AP4B1: variants seen among roughly 807,000 people sequenced by gnomAD.
The protein encoded by AP4B1 is AP-4 complex subunit beta-1.
AP4B1 carries 49 observed loss-of-function variants against 76.5 expected under a neutral mutation model. The observed-to-expected ratio is 0.64, with a 90% CI of 0.51 to 0.81. The LOEUF is 0.81. Ranked by LOEUF, AP4B1 falls within the 40% of genes least tolerant of loss-of-function variation. AP4B1 has a pLI of 0.00. For missense variants in AP4B1, 911 were observed against 904.9 expected (o/e 1.01, Z -0.09); for synonymous variants, 330 against 333.3 (o/e 0.99, Z 0.11).
At position 113,895,218 on chromosome 1, in the gene AP4B1, A is replaced by G. The variant is rs1204831490; in HGVS notation, c.2067T>C (p.Thr689=). Reference sequence around the variant, plus strand: ...GCAGTTCTGTTAAGAACAGACAGCCAGTATCATCCTGAGCACTGAGGTATG... The same window carrying G: ...GCAGTTCTGTTAAGAACAGACAGCCGGTATCATCCTGAGCACTGAGGTATG... ...WKAYLSAQDD[T]GCLFLTELLL... Residue 689 remains threonine (T), a synonymous_variant, in exon 10 of 10, where the codon ACT becomes ACC. Coordinates refer to ENST00000369569, the MANE Select transcript of AP4B1 (RefSeq NM_001253852.3). The G allele has an allele frequency of 1.2e-6, 2 of 1,614,208 alleles. No homozygotes were observed. Among genetic ancestry groups the G allele is most frequent in the East Asian group, 2.2e-5 (1 of 44,888 alleles).
Position 113,895,074 on chromosome 1 carries a change from T to C in AP4B1, c.2211A>G (p.Ile737Met), listed in dbSNP as rs372937961. The change falls in exon 10 of 10, where the codon ATA becomes ATG. Residue 737 changes from isoleucine (I) to methionine (M), a missense_variant. Ile to Met is a conservative substitution (Grantham distance 10, BLOSUM62 1). Coordinates refer to ENST00000369569, the MANE Select transcript of AP4B1 (RefSeq NM_001253852.3). ...AAGCAACAAGACTCTGTTATGATTT[T>C]ATTTCTTCAATTGTTCCAATCACAG... ...LETVIGTIEEIKS is the reference protein window; with the variant it reads ...LETVIGTIEEMKS The C allele has an allele frequency of 4.0e-5, 65 of 1,613,594 alleles. No homozygotes were observed. The highest frequency in any genetic ancestry group is 5.5e-5 in the Non-Finnish European group (65 of 1,179,718).
intron 4 of AP4B1, chr1:113,901,013 A>G: frequency 1.8e-6 from 1 of 556,740 alleles, no homozygotes; most frequent in South Asian, 2.0e-5. Context: ...AGGCTGAGGC[A>G]GGAGAATTGC....
chr1:113,895,649 A>G, intron 9 of AP4B1, 108 bp downstream of exon 9: 4 of 1,555,358 alleles, frequency 2.6e-6, no homozygotes, highest in Non-Finnish European at 3.5e-6. Context: ...AAATGCTTCA[A>G]ATTCAGGCAA....
intron 7 of AP4B1, chr1:113,896,709 G>C (rs1247753994): frequency 1.8e-6 from 1 of 563,308 alleles, no homozygotes; most frequent in Non-Finnish European, 3.1e-6. Flanking sequence ...CAATAAATAA[G>C]GTTTCCTCAG....
chr1:113,898,793 C>T lies in AP4B1; in HGVS notation c.1123G>A (p.Ala375Thr). The change falls in exon 6 of 10, where the codon GCC becomes ACC. Residue 375 changes from alanine (A) to threonine (T), a missense_variant. By Grantham distance (58) the Ala-to-Thr change is moderately conservative. Transcript: ENST00000369569. ...ACACATTGATCTGTGTAAGTCCTGGCAATGCCACCTACAAAAGAAGGGAAA... is the reference window on the plus strand; with the variant it reads ...ACACATTGATCTGTGTAAGTCCTGGTAATGCCACCTACAAAAGAAGGGAAA... ...QAAIFAIGGIARTYTDQCVQI... is the reference protein window; with the variant it reads ...QAAIFAIGGITRTYTDQCVQI... 1 of 1,607,972 alleles carries T rather than the reference C, an allele frequency of 6.2e-7. No individual in the cohort carries two copies.
intron 5 of AP4B1, 32 bp downstream of exon 5, chr1:113,899,872 G>A (rs1275435830): frequency 6.2e-7 from 1 of 1,614,086 alleles, no homozygotes; most frequent in South Asian, 1.1e-5. Context: ...GCTGGTCTAG[G>A]TTCTCAAGAA....
At position 113,901,528 on chromosome 1, in the gene AP4B1, A is replaced by G. The variant is rs924173575; in HGVS notation, c.470-145T>C. 16 of 1,197,388 alleles carry G rather than the reference A, an allele frequency of 1.3e-5. No homozygotes were observed. In the African/African-American group the frequency reaches 2.5e-4, roughly 19 times the overall value. The allele number at this position is 1,197,388 out of a possible 1,614,324, so 74.2% of individuals were successfully genotyped here. A position where few individuals can be genotyped will look rare whatever the true frequency, so the allele number is the denominator to read the frequency against. On this transcript the variant is annotated intron_variant, in intron 3 of 9. Transcript: ENST00000369569. ...GCCACACTAAAGTGCAAGGCAAAAAAAAAACTGCCATGTCCAGACTGTTCT... is the reference window on the plus strand; with the variant it reads ...GCCACACTAAAGTGCAAGGCAAAAAGAAAACTGCCATGTCCAGACTGTTCT...
At position 113,895,747 on chromosome 1, in the gene AP4B1, C is replaced by T. The variant is rs765050933; in HGVS notation, c.1792+10G>A. ...ATCATGACAAGATTTAAGGTAAGGA[C>T]TGTTTTTACCTGATGCGGCAAAGGA... On this transcript the variant is annotated intron_variant, in intron 9 of 9. Coordinates refer to ENST00000369569, the MANE Select transcript of AP4B1 (RefSeq NM_001253852.3). The T allele has an allele frequency of 1.2e-6, 2 of 1,614,026 alleles. No homozygotes were observed. Among genetic ancestry groups the T allele is most frequent in the South Asian group, 2.2e-5 (2 of 91,092 alleles).
intron 7 of AP4B1, chr1:113,897,284 T>A (rs1346190855): frequency 6.1e-6 from 1 of 162,616 alleles, no homozygotes; most frequent in African/African-American, 2.4e-5. Context: ...ATGGTCTAAA[T>A]CTCTGACTCA....
At position 113,900,167 on chromosome 1, in the gene AP4B1, G is replaced by A. The variant is rs1467770451; in HGVS notation, c.851C>T (p.Ala284Val). ...LVRVKGPLLAACSSESRELCF... is the reference protein window; with the variant it reads ...LVRVKGPLLAVCSSESRELCF... Reference sequence around the variant, plus strand: ...GAGCTCACGGCTCTCTGAAGAACAGGCAGCTAGCAAAGGTCCCTTGACCCG... The same window carrying A: ...GAGCTCACGGCTCTCTGAAGAACAGACAGCTAGCAAAGGTCCCTTGACCCG... The change falls in exon 5 of 10, where the codon GCC becomes GTC. Residue 284 changes from alanine to valine, a missense_variant. Ala to Val is a moderately conservative substitution (Grantham distance 64). Transcript: ENST00000369569. 1 of 1,614,196 alleles carries A rather than the reference G, an allele frequency of 6.2e-7. No individual in the cohort carries two copies. The highest frequency in any genetic ancestry group is 8.5e-7 in the Non-Finnish European group (1 of 1,180,032).
rs752781534 is a variant in AP4B1, at chr1:113,900,371, G to T, written c.647C>A (p.Ala216Asp). The change falls in exon 5 of 10, where the codon GCT becomes GAT. Residue 216 changes from alanine to aspartate, a missense_variant. Ala to Asp is a moderately radical substitution (Grantham distance 126, BLOSUM62 -2). Coordinates refer to ENST00000369569, the MANE Select transcript of AP4B1 (RefSeq NM_001253852.3). Reference protein sequence around the residue: ...RMSKLDQWGQAEVLNFLLRYQ... With the variant: ...RMSKLDQWGQDEVLNFLLRYQ... The stretch of plus-strand genomic sequence containing the variant: ...GCGTAGCAGAAAGTTCAATACTTCA[G>T]CCTGGCCCCATTGGTCCAGTTTTGA... 9.5e-5 allele frequency: 154 copies of T among 1,612,812 alleles called. 1 individual carries two copies. The highest frequency in any genetic ancestry group is 6.3e-4 in the South Asian group (57 of 90,802).
chr1:113,900,286 G>A lies in AP4B1; in HGVS notation c.732C>T (p.Leu244=), dbSNP rs777614232. The change falls in exon 5 of 10, where the codon CTC becomes CTT. Residue 244 remains leucine (L), a synonymous_variant. Transcript: ENST00000369569. ...FDILNLLDSF[L]KSSSPGVVMG... is the part of the protein sequence containing the mutation. Reference sequence around the variant, plus strand: ...TCACCACACCTGGGCTACTGCTCTTGAGGAAACTATCCAACAGATTGAGAA... The same window carrying A: ...TCACCACACCTGGGCTACTGCTCTTAAGGAAACTATCCAACAGATTGAGAA... 2.5e-6 allele frequency: 4 copies of A among 1,604,148 alleles called. No individual in the cohort carries two copies. The South Asian group carries it at 4.4e-5, about 18-fold the overall frequency.
rs770206491 is a variant in AP4B1 at position 113,899,994 on chromosome 1, CGTTCACCA to C, written c.1016_1023del (p.Leu339ArgfsTer2). 6.2e-7 allele frequency: 1 copy of C among 1,614,184 alleles called. No individual in the cohort carries two copies. The highest frequency in any genetic ancestry group is 8.5e-7 in the Non-Finnish European group (1 of 1,180,034). ...TCTAGCACCTGCTGCACATTCTCAT[CGTTCACCA>C]GTTCACACAGCACCTCCACTTTCTG... On this transcript the variant is annotated frameshift_variant, in exon 5 of 10. Coordinates refer to ENST00000369569, the MANE Select transcript of AP4B1 (RefSeq NM_001253852.3). LOFTEE classifies it high-confidence loss of function.
At chr1:113,897,142 CAA>C (rs5777170) in intron 7 of AP4B1, 12 of 115,066 alleles carry the variant, frequency 1.0e-4, no homozygotes, top group African/African-American at 1.2e-4. Flanking sequence ...GACTCTGTTT[CAA>C]AAAAAAAAAA....
chr1:113,900,158 G>A lies in AP4B1; in HGVS notation c.860C>T (p.Ser287Leu). 1 of 1,614,194 alleles carries A rather than the reference G, an allele frequency of 6.2e-7. No homozygotes were observed. ...VKGPLLAACS[S>L]ESRELCFVAL... ...AACAAAACAGAGCTCACGGCTCTCT[G>A]AAGAACAGGCAGCTAGCAAAGGTCC... is the stretch of plus-strand genomic sequence containing the variant. Residue 287 changes from serine to leucine, a missense_variant, in exon 5 of 10, where the codon TCA (serine) becomes TTA (leucine). Coordinates refer to ENST00000369569, the MANE Select transcript of AP4B1 (RefSeq NM_001253852.3).
upstream of AP4B1, chr1:113,904,804 G>T: frequency 8.9e-7 from 1 of 1,118,778 alleles, no homozygotes; most frequent in Non-Finnish European, 1.4e-6. Flanking sequence ...CTGAGTAAAG[G>T]AAATATGAGT....
chr1:113,900,566 C>T (rs535580984), intron 4 of AP4B1, 166 bp from the exon 5 acceptor site: 2 of 832,136 alleles, frequency 2.4e-6, no homozygotes, highest in East Asian at 2.7e-5. Flanking sequence ...AAAGTTTACA[C>T]AAAAAAGGCT....
intron 6 of AP4B1, 68 bp from the exon 7 acceptor site, chr1:113,898,011 A>T: frequency 1.2e-6 from 2 of 1,609,622 alleles, no homozygotes; most frequent in Admixed American, 3.4e-5. Flanking sequence ...TCTTAAGAAC[A>T]GTCATGTATT....
intron 2 of AP4B1, 122 bp from the exon 3 acceptor site, chr1:113,902,007 GAA>G (rs1668334737): frequency 7.8e-7 from 1 of 1,274,510 alleles, no homozygotes. Context: ...AAGAATTGCA[GAA>G]AGCCTCTATC....
Sources: allele counts gnomAD v4.1 joint callset, GRCh38; gene constraint gnomAD v4.1.1; transcripts MANE v1.5; gene names NCBI Gene and HGNC (gene_info 2026-07-23, HGNC 2026-07-21).